Variants in EPB41 observed in about 807,000 individuals in gnomAD.
EPB41 encodes protein 4.1.
Under a neutral mutation model 108.0 loss-of-function variants are expected in EPB41, and 65 were observed. The ratio of observed to expected loss-of-function variants is 0.60; its 90% CI spans 0.49 to 0.74. The LOEUF is 0.74. Ranked by LOEUF, EPB41 falls within the 30% of genes least tolerant of loss-of-function variation. EPB41 has a pLI of 0.00. For synonymous variants in EPB41, 336 were observed against 358.9 expected (o/e 0.94, Z 0.72); for missense variants, 875 against 1,037.0 (o/e 0.84, Z 2.15).
chr1:29,086,386 G>T (rs1658937667), intron 16 of EPB41, among the ~76,000 whole-genome samples: 1 of 149,674 alleles, frequency 6.7e-6, no homozygotes, highest in Non-Finnish European at 1.5e-5. Context: ...CGATTCTCCT[G>T]CCTCATCCTC....
At chr1:28,932,125 G>GT (rs2093780855) in intron 1 of EPB41, among the ~76,000 whole-genome samples, 1 of 151,692 alleles carries the variant, frequency 6.6e-6, no homozygotes, top group Non-Finnish European at 1.5e-5. Flanking sequence ...GTTTTGTTTT[G>GT]TTTTTTGTTT....
intron 16 of EPB41, among the ~76,000 whole-genome samples, chr1:29,090,451 T>C (rs992578253): frequency 1.2e-4 from 18 of 152,016 alleles, no homozygotes; most frequent in African/African-American, 4.3e-4. Flanking sequence ...TCTACTAATA[T>C]GATAGAAGTG....
chr1:28,948,591 G>A (rs1386453665), intron 1 of EPB41, among the ~76,000 whole-genome samples: 1 of 151,504 alleles, frequency 6.6e-6, no homozygotes, highest in Non-Finnish European at 1.5e-5. Flanking sequence ...TTTAAGTGAT[G>A]TAAATCTGTG....
intron 1 of EPB41, among the ~76,000 whole-genome samples, chr1:28,902,634 CT>C (rs1241054676): frequency 2.0e-5 from 3 of 152,310 alleles, no homozygotes; most frequent in Admixed American, 6.5e-5. Flanking sequence ...CACAACACCC[CT>C]GGGTCTCTAT....
chr1:29,053,899 G>A (rs1464703697), intron 12 of EPB41: 2 of 153,062 alleles, frequency 1.3e-5, no homozygotes, highest in African/African-American at 2.4e-5. Flanking sequence ...AAACACACCA[G>A]TATGATTGAT....
intron 19 of EPB41, among the ~76,000 whole-genome samples, chr1:29,114,875 C>G (rs936503616): frequency 3.3e-5 from 5 of 151,966 alleles, no homozygotes; most frequent in African/African-American, 1.2e-4. Flanking sequence ...TGTACTTAGG[C>G]TAGTGCATGG....
intron 7 of EPB41, among the ~76,000 whole-genome samples, chr1:29,027,297 ATTATTC>A (rs1278581250): frequency 1.3e-5 from 2 of 150,730 alleles, no homozygotes; most frequent in Non-Finnish European, 3.0e-5. Context: ...CCCAGCTAAA[ATTATTC>A]TTTTTCTTTT....
chr1:28,929,273 T>C (rs990142603), intron 1 of EPB41, among the ~76,000 whole-genome samples: 48 of 151,834 alleles, frequency 3.2e-4, no homozygotes, highest in Non-Finnish European at 6.0e-4. Flanking sequence ...TCGCCCAGGC[T>C]GGAGTGCAGT....
At chr1:28,956,057 T>C (rs1208795704) in intron 1 of EPB41, among the ~76,000 whole-genome samples, 1 of 152,226 alleles carries the variant, frequency 6.6e-6, no homozygotes, top group Non-Finnish European at 1.5e-5. Flanking sequence ...CAATTAGATG[T>C]GTGTGCAGTA....
At chr1:28,982,779 G>C (rs773185876) in intron 1 of EPB41, among the ~76,000 whole-genome samples, 4 of 152,114 alleles carry the variant, frequency 2.6e-5, no homozygotes, top group Non-Finnish European at 5.9e-5. Flanking sequence ...ACTGTCATTA[G>C]TATACCCAAG....
intron 16 of EPB41, chr1:29,096,378 A>G: frequency 2.0e-6 from 2 of 985,970 alleles, no homozygotes; most frequent in Non-Finnish European, 2.4e-6. Context: ...CTTGATATTA[A>G]GGAGATGCCA....
chr1:29,040,883 C>T (rs766837774), intron 11 of EPB41, among the ~76,000 whole-genome samples: 2 of 151,914 alleles, frequency 1.3e-5, no homozygotes, highest in South Asian at 2.1e-4. Flanking sequence ...CACCTATAAT[C>T]GCAGCACTTT....
At chr1:29,097,645 C>T (rs914326002) in intron 16 of EPB41, 162 bp from the exon 17 acceptor site, 23 of 764,576 alleles carry the variant, frequency 3.0e-5, no homozygotes, top group Non-Finnish European at 4.4e-5. Flanking sequence ...GTCAGGGTTA[C>T]TTTGGAATAC....
chr1:28,988,973 A>G (rs774140789), intron 2 of EPB41, among the ~76,000 whole-genome samples: 3 of 152,232 alleles, frequency 2.0e-5, no homozygotes, highest in Non-Finnish European at 4.4e-5. Context: ...GAGAGAGGAA[A>G]AGAAAGATGA....
intron 4 of EPB41, among the ~76,000 whole-genome samples, chr1:29,002,467 T>G: frequency 6.6e-6 from 1 of 151,028 alleles, no homozygotes; most frequent in African/African-American, 2.4e-5. Context: ...AAAAAAAAGA[T>G]AGTATTATTG....
intron 16 of EPB41, chr1:29,068,663 C>A: frequency 1.0e-6 from 1 of 985,260 alleles, no homozygotes. Context: ...GGGGATACCT[C>A]TTCCACCTTT....
At chr1:29,031,221 T>G (rs1304176557) in intron 8 of EPB41, among the ~76,000 whole-genome samples, 1 of 152,152 alleles carries the variant, frequency 6.6e-6, no homozygotes, top group Admixed American at 6.6e-5. Flanking sequence ...ACTGTTAAGA[T>G]CAAAAGATAG....
chr1:29,066,426 A>G (rs1480723812), intron 16 of EPB41, among the ~76,000 whole-genome samples: 7 of 152,202 alleles, frequency 4.6e-5, no homozygotes, highest in Non-Finnish European at 1.0e-4. Flanking sequence ...CTCAAAAAAA[A>G]AGAAAAAAAA....
intron 1 of EPB41, among the ~76,000 whole-genome samples, chr1:28,968,832 G>C (rs2095423935): frequency 6.6e-6 from 1 of 151,780 alleles, no homozygotes; most frequent in Non-Finnish European, 1.5e-5. Flanking sequence ...GTGCATGGTG[G>C]TGCGCACCTG....
Sources: allele counts gnomAD v4.1 joint callset (sites outside exome capture counted in the v4.1 genomes callset), GRCh38; gene constraint gnomAD v4.1.1; transcripts MANE v1.5; gene names NCBI Gene and HGNC (gene_info 2026-07-23, HGNC 2026-07-21).